BMP2: variants seen among roughly 807,000 people sequenced by gnomAD.
The protein encoded by BMP2 is bone morphogenetic protein 2, also known as bone morphogenetic protein 2A.
A neutral mutation model predicts 28.8 loss-of-function variants in BMP2; 2 were observed. The observed-to-expected ratio is 0.07, with a 90% CI of 0.03 to 0.22. The LOEUF is 0.22. Ranked by LOEUF, BMP2 falls within the 10% of genes least tolerant of loss-of-function variation. BMP2 has a pLI of 1.00. For missense variants in BMP2, 437 were observed against 517.7 expected, an observed-to-expected ratio of 0.84 and a Z score of 1.51; for synonymous variants, 218 against 204.3, an observed-to-expected ratio of 1.07 and a Z score of -0.57.
chr20:6,776,863 T>C (rs1986510169), intron 2 of BMP2, among the ~76,000 whole-genome samples: 1 of 151,860 alleles, frequency 6.6e-6, no homozygotes, highest in Admixed American at 6.6e-5. Flanking sequence ...CTAGATTCAG[T>C]GCACAACTTA....
At position 6,770,480 on chromosome 20, in the gene BMP2, AT is replaced by A. The variant is rs754254056; in HGVS notation, c.346+9del. 2 of 1,578,614 alleles carry A rather than the reference AT, an allele frequency of 1.3e-6. No homozygotes were observed. Among genetic ancestry groups the A allele is most frequent in the South Asian group, 2.3e-5 (2 of 86,686 alleles). ...GCAGCTTCCACCATGAAGGTGAGGC[AT>A]GGAGCAGGGCGTGGGGGCGGGGAGT... On this transcript the variant is annotated intron_variant, in intron 2 of 2. Transcript: ENST00000378827.
chr20:6,779,159 CAA>C lies in BMP2; in HGVS notation c.*76_*77del. ...TAGAAAAAAGAAAAAAACAAACAAA[CAA>C]AAAAACCCCACCCCAGTTGACACTT... On this transcript the variant is annotated 3_prime_UTR_variant, in exon 3 of 3. Transcript: ENST00000378827. 1 of 760,046 alleles carries C rather than the reference CAA, an allele frequency of 1.3e-6. No homozygotes were observed. Among genetic ancestry groups the C allele is most frequent in the East Asian group, 4.4e-5 (1 of 22,864 alleles). 47.1% of individuals were successfully genotyped at this position (760,046 alleles called of 1,614,324 possible).
At chr20:6,770,889 C>A (rs549142139) in intron 2 of BMP2, among the ~76,000 whole-genome samples, 1 of 152,280 alleles carries the variant, frequency 6.6e-6, no homozygotes, top group Admixed American at 6.5e-5. Flanking sequence ...GCCGCTTAAG[C>A]CAGGGTTTTA....
At position 6,768,223 on chromosome 20, in the gene BMP2, G is replaced by T; in HGVS notation, c.-660G>T. On this transcript the variant is annotated 5_prime_UTR_variant, in exon 1 of 3. Coordinates refer to ENST00000378827, the MANE Select transcript of BMP2 (RefSeq NM_001200.4). ...CCGAGGACGACGGGGCGCCAGAGCCGCGGTGCTTTCAACTGGCGAGCGCGA... is the reference window on the plus strand; with the variant it reads ...CCGAGGACGACGGGGCGCCAGAGCCTCGGTGCTTTCAACTGGCGAGCGCGA... The T allele has an allele frequency of 2.5e-6, 1 of 398,282 alleles. No individual in the cohort carries two copies. Among genetic ancestry groups the T allele is most frequent in the Non-Finnish European group, 4.4e-6 (1 of 225,874 alleles). The allele number at this position is 398,282 out of a possible 1,614,324, so 24.7% of individuals were successfully genotyped here. A position where few individuals can be genotyped will look rare whatever the true frequency, so the allele number is the denominator to read the frequency against.
rs1986293309 is a variant in BMP2, at chr20:6,768,165, C to T, written c.-718C>T. 3 of 398,306 alleles carry T rather than the reference C, an allele frequency of 7.5e-6. No individual in the cohort carries two copies. Among genetic ancestry groups the T allele is most frequent in the South Asian group, 2.5e-4 (2 of 7,856 alleles). 24.7% of individuals were successfully genotyped at this position (398,306 alleles called of 1,614,324 possible). A position where few individuals can be genotyped will look rare whatever the true frequency, so the allele number is the denominator to read the frequency against. ...GAGCACAGCCACCCGCCTCGGCGGCCCGGGACTCGGCTCGACTCGCCGGAG... is the reference window on the plus strand; with the variant it reads ...GAGCACAGCCACCCGCCTCGGCGGCTCGGGACTCGGCTCGACTCGCCGGAG... On this transcript the variant is annotated 5_prime_UTR_variant, in exon 1 of 3. Transcript: ENST00000378827.
At chr20:6,776,022 TG>T (rs1449922252) in intron 2 of BMP2, among the ~76,000 whole-genome samples, 1 of 152,162 alleles carries the variant, frequency 6.6e-6, no homozygotes, top group East Asian at 1.9e-4. Flanking sequence ...GGTCTGGCTT[TG>T]GTGTCATTGG....
chr20:6,779,173 C>A lies in BMP2; in HGVS notation c.*84C>A, dbSNP rs896267854. 1.6e-6 allele frequency: 1 copy of A among 606,700 alleles called. No individual in the cohort carries two copies. Among genetic ancestry groups the A allele is most frequent in the Non-Finnish European group, 2.2e-6 (1 of 447,058 alleles). The allele number at this position is 606,700 out of a possible 1,614,324, so 37.6% of individuals were successfully genotyped here. On this transcript the variant is annotated 3_prime_UTR_variant, in exon 3 of 3. Transcript: ENST00000378827. ...AAACAAACAAACAAAAAAACCCCAC[C>A]CCAGTTGACACTTTAATATTTCCCA...
chr20:6,770,095 T>A, intron 1 of BMP2, 25 bp from the exon 2 acceptor site: 1 of 1,505,410 alleles, frequency 6.6e-7, no homozygotes, highest in South Asian at 1.2e-5. Flanking sequence ...GGAACTCGGG[T>A]GACTCACGTC....
intron 2 of BMP2, among the ~76,000 whole-genome samples, chr20:6,775,515 G>C (rs1254155206): frequency 6.6e-6 from 1 of 152,092 alleles, no homozygotes; most frequent in Non-Finnish European, 1.5e-5. Flanking sequence ...ATTATTATTT[G>C]CTCGTCTATT....
rs1168814867 is a variant in BMP2 at position 6,768,892 on chromosome 20, A to G, written c.-8+17A>G. 6.1e-6 allele frequency: 1 copy of G among 165,198 alleles called. No homozygotes were observed. Among genetic ancestry groups the G allele is most frequent in the Non-Finnish European group, 1.3e-5 (1 of 78,846 alleles). The allele number at this position is 165,198 out of a possible 1,614,324, so 10.2% of individuals were successfully genotyped here. ...CTCCTAAAGGTAGAGGACGCGGGCC[A>G]GGGCCCGGGGTGGGTGGTGGGTGGG... On this transcript the variant is annotated intron_variant, in intron 1 of 2. Coordinates refer to ENST00000378827, the MANE Select transcript of BMP2 (RefSeq NM_001200.4).
In BMP2 at chr20:6,768,132, C is replaced by A. The variant is rs1278630803; in HGVS notation, c.-751C>A. ...GCACTTGGCCCCAGGGCTAGGAGAG[C>A]GAGGGGAGAGCACAGCCACCCGCCT... On this transcript the variant is annotated 5_prime_UTR_variant, in exon 1 of 3. Transcript: ENST00000378827. 1 of 398,170 alleles carries A rather than the reference C, an allele frequency of 2.5e-6. No individual in the cohort carries two copies. Among genetic ancestry groups the A allele is most frequent in the Non-Finnish European group, 4.4e-6 (1 of 225,790 alleles). The allele number at this position is 398,170 out of a possible 1,614,324, so 24.7% of individuals were successfully genotyped here.
intron 1 of BMP2, among the ~76,000 whole-genome samples, chr20:6,769,444 T>C (rs1986339447): frequency 6.6e-6 from 1 of 152,118 alleles, no homozygotes; most frequent in South Asian, 2.1e-4. Flanking sequence ...TAATAGATAT[T>C]CACCATTTAC....
At chr20:6,770,855 T>C (rs1474331046) in intron 2 of BMP2, among the ~76,000 whole-genome samples, 1 of 152,208 alleles carries the variant, frequency 6.6e-6, no homozygotes, top group African/African-American at 2.4e-5. Flanking sequence ...TAAGTCTGTT[T>C]GGAAGCTTTT....
At chr20:6,769,541 G>C (rs1248751289) in intron 1 of BMP2, among the ~76,000 whole-genome samples, 3 of 151,808 alleles carry the variant, frequency 2.0e-5, no homozygotes, top group Non-Finnish European at 2.9e-5. Context: ...TGAGGGTAGG[G>C]GCCTGGGACA....
chr20:6,769,308 T>C (rs1254670662), intron 1 of BMP2, among the ~76,000 whole-genome samples: 2 of 152,162 alleles, frequency 1.3e-5, no homozygotes, highest in African/African-American at 4.8e-5. Context: ...GTTTCTTTGC[T>C]CAGAGCCGTG....
intron 2 of BMP2, 31 bp downstream of exon 2, chr20:6,770,503 G>A: frequency 6.5e-7 from 1 of 1,546,104 alleles, no homozygotes; most frequent in Non-Finnish European, 8.8e-7. Flanking sequence ...TGGGGGCGGG[G>A]AGTCACCCTG....
intron 2 of BMP2, among the ~76,000 whole-genome samples, chr20:6,777,737 G>A (rs1197044346): frequency 1.3e-5 from 2 of 152,300 alleles, no homozygotes; most frequent in Admixed American, 6.5e-5. Flanking sequence ...GCTGAAATCT[G>A]TATATCGAGA....
chr20:6,769,612 GGTGTGTGTGTGTGTGTGT>G lies in BMP2; in HGVS notation c.-7-489_-7-472del, dbSNP rs61071559. Among the ~76,000 whole-genome samples, 117 of 139,998 alleles carry G rather than the reference GGTGTGTGTGTGTGTGTGT, an allele frequency of 8.4e-4. 2 individuals carry two copies. Among genetic ancestry groups the G allele is most frequent in the African/African-American group, 3.1e-3 (114 of 36,650 alleles). The allele number at this position is 139,998 out of a possible 152,430, so 91.8% of individuals were successfully genotyped here. On this transcript the variant is annotated intron_variant, in intron 1 of 2. Coordinates refer to ENST00000378827, the MANE Select transcript of BMP2 (RefSeq NM_001200.4). ...GCTTACAGGGTCTGGAAGCTATAAG[GGTGTGTGTGTGTGTGTGT>G]GTGTGTGTGTGTGTGTGTCAGGAAG...
intron 2 of BMP2, among the ~76,000 whole-genome samples, chr20:6,771,669 A>G (rs77688871): frequency 0.011 from 1,660 of 152,352 alleles, 38 homozygotes; most frequent in African/African-American, 0.038. Context: ...GGCAAGCCAC[A>G]TAGCAGAAGA....
Sources: allele counts gnomAD v4.1 joint callset (sites outside exome capture counted in the v4.1 genomes callset), GRCh38; gene constraint gnomAD v4.1.1; transcripts MANE v1.5; gene names NCBI Gene and HGNC (gene_info 2026-07-23, HGNC 2026-07-21).